Variants in ATF7IP2 observed in about 807,000 individuals in gnomAD.
The protein encoded by ATF7IP2 is activating transcription factor 7 interacting protein 2.
In ATF7IP2, 42 loss-of-function variants were observed where a neutral mutation model predicts 64.2. That is an observed-to-expected ratio of 0.65 (90% CI 0.51 to 0.85). The LOEUF is 0.85. Ranked by LOEUF, ATF7IP2 falls within the 40% of genes least tolerant of loss-of-function variation. ATF7IP2 has a pLI of 0.00. For missense variants in ATF7IP2, 933 were observed against 784.2 expected, an observed-to-expected ratio of 1.19 and a Z score of -2.27; for synonymous variants, 308 against 272.8, an observed-to-expected ratio of 1.13 and a Z score of -1.27.
At chr16:10,468,475 G>T (rs1402662266) in intron 9 of ATF7IP2, among the ~76,000 whole-genome samples, 3 of 152,120 alleles carry the variant, frequency 2.0e-5, no homozygotes, top group African/African-American at 7.2e-5. Context: ...TCATGATTGG[G>T]AAAACAAATG....
intron 1 of ATF7IP2, among the ~76,000 whole-genome samples, chr16:10,410,957 T>C (rs2047747217): frequency 6.6e-6 from 1 of 152,168 alleles, no homozygotes; most frequent in African/African-American, 2.4e-5. Context: ...TTTTCTGTGT[T>C]TATTTAGAGA....
chr16:10,426,861 G>GT lies in ATF7IP2; in HGVS notation c.-159-1998dup, dbSNP rs553402445. On this transcript the variant is annotated intron_variant, in intron 3 of 13. Transcript: ENST00000562102. ...TGGTTTTTGGTTTTTTTTTGTTGTT[G>GT]TTTTTTTTTAAGACAGTGTCCCACT... Among the ~76,000 whole-genome samples, 72 of 150,766 alleles carry GT rather than the reference G, an allele frequency of 4.8e-4. 2 individuals carry two copies. The East Asian group carries it at 7.6e-3, about 16-fold the overall frequency.
chr16:10,412,331 C>G (rs1191642809), intron 1 of ATF7IP2, among the ~76,000 whole-genome samples: 1 of 152,048 alleles, frequency 6.6e-6, no homozygotes, highest in African/African-American at 2.4e-5. Context: ...AACTTTCCTC[C>G]TAGCCCCGCC....
intron 8 of ATF7IP2, chr16:10,446,467 G>A (rs2048808701): frequency 6.6e-6 from 1 of 152,122 alleles, no homozygotes; most frequent in Admixed American, 6.5e-5. Context: ...GTCTTTAGGG[G>A]GTGAAGGAGT....
At chr16:10,424,005 C>G (rs1397804795) in intron 3 of ATF7IP2, among the ~76,000 whole-genome samples, 3 of 152,230 alleles carry the variant, frequency 2.0e-5, no homozygotes, top group Non-Finnish European at 4.4e-5. Context: ...GTTTTACCCA[C>G]ATATTTATTG....
At chr16:10,477,823 A>C (rs1267038545) in intron 12 of ATF7IP2, among the ~76,000 whole-genome samples, 4 of 152,138 alleles carry the variant, frequency 2.6e-5, no homozygotes, top group Non-Finnish European at 5.9e-5. Flanking sequence ...TACAAAATCA[A>C]TGTACAAAAA....
At chr16:10,465,599 C>T (rs1457825452) in intron 9 of ATF7IP2, among the ~76,000 whole-genome samples, 6 of 150,584 alleles carry the variant, frequency 4.0e-5, no homozygotes, top group South Asian at 2.1e-4. Context: ...ATTAGCTGGG[C>T]GTAGTGGTGT....
intron 9 of ATF7IP2, among the ~76,000 whole-genome samples, chr16:10,462,326 C>A (rs1038913782): frequency 6.6e-6 from 1 of 151,900 alleles, no homozygotes; most frequent in Non-Finnish European, 1.5e-5. Flanking sequence ...TTTCATCTTT[C>A]CATCTGGGCT....
intron 8 of ATF7IP2, among the ~76,000 whole-genome samples, chr16:10,450,886 G>C (rs1395047862): frequency 6.6e-6 from 1 of 152,206 alleles, no homozygotes; most frequent in Non-Finnish European, 1.5e-5. Context: ...TTGCCGGTTA[G>C]TTGATGCAGT....
intron 2 of ATF7IP2, among the ~76,000 whole-genome samples, chr16:10,415,331 C>T (rs576307157): frequency 1.3e-5 from 2 of 152,214 alleles, no homozygotes; most frequent in South Asian, 2.1e-4. Flanking sequence ...ATACCTACAG[C>T]GGGTGAACTC....
chr16:10,392,476 A>G (rs147718438), intron 1 of ATF7IP2, among the ~76,000 whole-genome samples: 4,080 of 151,902 alleles, frequency 0.027, 77 homozygotes, highest in Non-Finnish European at 0.045. Flanking sequence ...CTCAATTTTA[A>G]TGGAAAACCT....
chr16:10,470,823 G>GTGTGTA (rs1448477600), intron 9 of ATF7IP2, among the ~76,000 whole-genome samples: 5 of 143,834 alleles, frequency 3.5e-5, no homozygotes, highest in African/African-American at 1.3e-4. Flanking sequence ...ATGTGTGTGT[G>GTGTGTA]TATATATATA....
intron 1 of ATF7IP2, among the ~76,000 whole-genome samples, chr16:10,409,984 A>C (rs2047720714): frequency 6.6e-6 from 1 of 152,130 alleles, no homozygotes; most frequent in African/African-American, 2.4e-5. Context: ...TGGCCTTATA[A>C]TGTAGTTTGA....
At position 10,457,104 on chromosome 16, in the gene ATF7IP2, T is replaced by C. The variant is rs187305414; in HGVS notation, c.1195-268T>C. Among the ~76,000 whole-genome samples, 8 of 152,312 alleles carry C rather than the reference T, an allele frequency of 5.3e-5. No homozygotes were observed. In the East Asian group the frequency reaches 1.3e-3, roughly 26 times the overall value. ...AAAAGTTAGTCTAATAGGAATAAAG[T>C]GTTGTCTAAGTACCTGAACATTTGT... On this transcript the variant is annotated intron_variant, in intron 8 of 13. Transcript: ENST00000562102.
chr16:10,432,810 G>A (rs12597500), intron 5 of ATF7IP2, among the ~76,000 whole-genome samples: 23,046 of 152,014 alleles, frequency 0.15, 1,937 homozygotes, highest in African/African-American at 0.22. Context: ...CCTGGGGGGC[G>A]GAAGTTGCAC....
intron 1 of ATF7IP2, among the ~76,000 whole-genome samples, chr16:10,398,862 C>T (rs1394496912): frequency 6.6e-6 from 1 of 152,192 alleles, no homozygotes; most frequent in East Asian, 1.9e-4. Context: ...TCCTGTAATC[C>T]CACCACTTTG....
intron 9 of ATF7IP2, 138 bp downstream of exon 9, chr16:10,457,667 A>G (rs2049226877): frequency 7.4e-6 from 5 of 678,296 alleles, no homozygotes; most frequent in African/African-American, 3.8e-5. Flanking sequence ...TTACTTTTAC[A>G]TATTATACTT....
chr16:10,470,248 G>C (rs900657264), intron 9 of ATF7IP2, among the ~76,000 whole-genome samples: 1 of 151,868 alleles, frequency 6.6e-6, no homozygotes, highest in African/African-American at 2.4e-5. Context: ...ACACAAGCAA[G>C]AAACAATTGG....
intron 1 of ATF7IP2, among the ~76,000 whole-genome samples, chr16:10,390,845 A>T (rs1199373465): frequency 2.0e-5 from 3 of 152,232 alleles, no homozygotes; most frequent in African/African-American, 7.2e-5. Context: ...AGCTGCAACA[A>T]GAACAGCAAA....
Sources: allele counts gnomAD v4.1 joint callset (sites outside exome capture counted in the v4.1 genomes callset), GRCh38; gene constraint gnomAD v4.1.1; transcripts MANE v1.5; gene names NCBI Gene and HGNC (gene_info 2026-07-23, HGNC 2026-07-21).